Variants in PCDHGB1 observed in about 807,000 individuals in gnomAD.
PCDHGB1 encodes the protein protocadherin gamma-B1.
A neutral mutation model predicts 56.6 loss-of-function variants in PCDHGB1; 34 were observed. The observed-to-expected ratio is 0.60, with a 90% CI of 0.46 to 0.80. The LOEUF (loss-of-function observed/expected upper bound fraction) is 0.80, where lower values mean the gene tolerates loss of function less well. PCDHGB1 is among the 30% of genes least tolerant of loss of function. The pLI is 0.00. For synonymous variants in PCDHGB1, 561 were observed against 505.9 expected (o/e 1.11, Z -1.46); for missense variants, 1,278 against 1,204.6 (o/e 1.06, Z -0.90).
chr5:141,450,278 G>A (rs977381598), intron 1 of PCDHGB1, among the ~76,000 whole-genome samples: 1 of 152,026 alleles, frequency 6.6e-6, no homozygotes, highest in Non-Finnish European at 1.5e-5. Flanking sequence ...TCAGCTAAGT[G>A]CTGGGATTAC....
chr5:141,355,094 A>C, intron 1 of PCDHGB1: 1 of 1,484,876 alleles, frequency 6.7e-7, no homozygotes, highest in South Asian at 1.4e-5. Flanking sequence ...AAGCCCTGAG[A>C]GCTCTGGCTG....
At chr5:141,402,947 G>A in intron 1 of PCDHGB1, 1 of 1,592,724 alleles carries the variant, frequency 6.3e-7, no homozygotes, top group South Asian at 1.1e-5. Flanking sequence ...CCAAAGCGAG[G>A]CAGCAATGGC....
At chr5:141,424,982 G>T (rs2096852076) in intron 1 of PCDHGB1, among the ~76,000 whole-genome samples, 1 of 152,106 alleles carries the variant, frequency 6.6e-6, no homozygotes, top group South Asian at 2.1e-4. Context: ...GGATATTTAT[G>T]TTCCCTTTCA....
rs1245526846 is a variant in PCDHGB1, at chr5:141,512,505, C to T, written c.*1332C>T. ...GCCACTGCCCAGGTCCCCAGTGCGCCCCCTAGTGGCCATAGCCTGGTTAAA... is the reference window on the plus strand; with the variant it reads ...GCCACTGCCCAGGTCCCCAGTGCGCTCCCTAGTGGCCATAGCCTGGTTAAA... On this transcript the variant is annotated 3_prime_UTR_variant, in exon 4 of 4. Transcript: ENST00000523390. The T allele has an allele frequency of 1.3e-5, 2 of 152,888 alleles. No individual in the cohort carries two copies. The highest frequency in any genetic ancestry group is 4.8e-5 in the African/African-American group (2 of 41,466). 9.5% of individuals were successfully genotyped at this position (152,888 alleles called of 1,614,324 possible). A position where few individuals can be genotyped will look rare whatever the true frequency, so the allele number is the denominator to read the frequency against.
chr5:141,478,489 C>T (rs779457709), intron 1 of PCDHGB1: 99 of 1,613,162 alleles, frequency 6.1e-5, no homozygotes, highest in Non-Finnish European at 8.1e-5. Context: ...CGCTGCGGAG[C>T]TGTGATCCGG....
chr5:141,413,665 C>T (rs770111467), intron 1 of PCDHGB1: 1 of 1,613,726 alleles, frequency 6.2e-7, no homozygotes, highest in East Asian at 2.2e-5. Flanking sequence ...AGCTATTGAT[C>T]CGGATGTGGG....
chr5:141,379,652 T>C (rs905079980), intron 1 of PCDHGB1: 2 of 152,132 alleles, frequency 1.3e-5, no homozygotes, highest in Non-Finnish European at 2.9e-5. Flanking sequence ...ACTACCAACT[T>C]CTACTCTCAC....
At chr5:141,366,022 C>T in intron 1 of PCDHGB1, 1 of 1,614,248 alleles carries the variant, frequency 6.2e-7, no homozygotes, top group Non-Finnish European at 8.5e-7. Context: ...AGATCCTGTA[C>T]CCCGCCCTCC....
intron 1 of PCDHGB1, chr5:141,427,958 G>T: frequency 6.3e-7 from 1 of 1,588,408 alleles, no homozygotes; most frequent in Non-Finnish European, 8.6e-7. Flanking sequence ...ACAATGTGCC[G>T]CGGGTGCTGT....
intron 1 of PCDHGB1, among the ~76,000 whole-genome samples, chr5:141,463,239 C>G (rs1012919667): frequency 1.3e-5 from 2 of 151,950 alleles, no homozygotes; most frequent in African/African-American, 4.8e-5. Context: ...CTTTGTGTAG[C>G]TCCATTCTCT....
intron 1 of PCDHGB1, among the ~76,000 whole-genome samples, chr5:141,358,066 C>T (rs1760810075): frequency 1.3e-5 from 2 of 152,032 alleles, no homozygotes; most frequent in South Asian, 4.2e-4. Context: ...GGTGTGTGCC[C>T]GTAGTCCCAG....
At chr5:141,449,588 CA>C (rs768743917) in intron 1 of PCDHGB1, among the ~76,000 whole-genome samples, 1,277 of 57,494 alleles carry the variant, frequency 0.022, 7 homozygotes, top group Middle Eastern at 0.041. Flanking sequence ...GACTCTGTCT[CA>C]AAAAAAAAAA....
intron 1 of PCDHGB1, chr5:141,404,380 C>T (rs777340976): frequency 1.9e-6 from 3 of 1,613,916 alleles, no homozygotes; most frequent in Non-Finnish European, 2.5e-6. Context: ...CCGTGATTGC[C>T]TATGACCCTG....
chr5:141,393,414 G>C lies in PCDHGB1; in HGVS notation c.2409+40745G>C, dbSNP rs199973289. 738 of 1,614,038 alleles carry C rather than the reference G, an allele frequency of 4.6e-4. No individual in the cohort carries two copies. The highest frequency in any genetic ancestry group is 5.2e-4 in the Non-Finnish European group (617 of 1,179,898). Reference sequence around the variant, plus strand: ...AGAGCTGGTGCTGGAGCGCGCCCTGGACAGGGAGGAAGAGGCTGCTCACCA... The same window carrying C: ...AGAGCTGGTGCTGGAGCGCGCCCTGCACAGGGAGGAAGAGGCTGCTCACCA... On this transcript the variant is annotated intron_variant, in intron 1 of 3. Coordinates refer to ENST00000523390, the MANE Select transcript of PCDHGB1 (RefSeq NM_018922.3).
intron 1 of PCDHGB1, chr5:141,414,187 T>A: frequency 6.2e-7 from 1 of 1,609,834 alleles, no homozygotes; most frequent in South Asian, 1.1e-5. Flanking sequence ...TGCAAAAGTG[T>A]TGATTACAGT....
In PCDHGB1 at chr5:141,453,101, TTTTTG is replaced by T. The variant is rs879618609; in HGVS notation, c.2410-41681_2410-41677del. ...GTTGATTAGTATATTTTCTGTTGCT[TTTTTG>T]TTTTGTTTTGTTTTGTTTTGTTTTT... On this transcript the variant is annotated intron_variant, in intron 1 of 3. Transcript: ENST00000523390. 4.4e-4 allele frequency among the ~76,000 whole-genome samples: 67 copies of T among 152,130 alleles called. 1 individual carries two copies. Among genetic ancestry groups the T allele is most frequent in the African/African-American group, 1.4e-3 (58 of 41,484 alleles).
chr5:141,370,397 G>A (rs752574370), intron 1 of PCDHGB1: 2 of 1,549,034 alleles, frequency 1.3e-6, no homozygotes, highest in African/African-American at 2.8e-5. Context: ...AGAGCGGGAT[G>A]GGAAATAGCT....
At chr5:141,382,392 C>T (rs1778169191) in intron 1 of PCDHGB1, among the ~76,000 whole-genome samples, 1 of 152,092 alleles carries the variant, frequency 6.6e-6, no homozygotes, top group Non-Finnish European at 1.5e-5. Context: ...AACTGATTTT[C>T]CCATGTGCAA....
chr5:141,364,611 A>C, intron 1 of PCDHGB1: 1 of 1,614,182 alleles, frequency 6.2e-7, no homozygotes, highest in African/African-American at 1.3e-5. Context: ...GACCGGGAGG[A>C]GCTCTGCGCT....
Sources: allele counts gnomAD v4.1 joint callset (sites outside exome capture counted in the v4.1 genomes callset), GRCh38; gene constraint gnomAD v4.1.1; transcripts MANE v1.5; gene names NCBI Gene and HGNC (gene_info 2026-07-23, HGNC 2026-07-21).